The following RASSF3 variants were observed in gnomAD, a reference collection of about 807,000 sequenced individuals.
The protein encoded by RASSF3 is Ras association domain family member 3.
In RASSF3, 19 loss-of-function variants were observed where a neutral mutation model predicts 19.9. The ratio of observed to expected loss-of-function variants is 0.96; its 90% confidence interval spans 0.67 to 1.40. RASSF3 has a LOEUF of 1.40. Among genes scored for constraint, RASSF3 ranks in the 40% most tolerant of loss-of-function variants. RASSF3 has a pLI of 0.00. For missense variants in RASSF3, 306 were observed against 289.8 expected (o/e 1.06, Z -0.41); for synonymous variants, 110 against 104.2 (o/e 1.06, Z -0.34).
At chr12:64,624,157 T>G (rs1225721937) in intron 1 of RASSF3, among the ~76,000 whole-genome samples, 1 of 151,954 alleles carries the variant, frequency 6.6e-6, no homozygotes, top group Non-Finnish European at 1.5e-5. Flanking sequence ...GTACGTTTCA[T>G]AAAGGCAAAC....
intron 1 of RASSF3, among the ~76,000 whole-genome samples, chr12:64,666,245 A>G (rs552730522): frequency 1.3e-5 from 2 of 152,358 alleles, no homozygotes; most frequent in South Asian, 4.1e-4. Flanking sequence ...TTAGGTGTAG[A>G]ATGGAATTAG....
intron 1 of RASSF3, among the ~76,000 whole-genome samples, chr12:64,633,308 A>G (rs768117544): frequency 4.6e-5 from 7 of 152,194 alleles, no homozygotes; most frequent in Non-Finnish European, 8.8e-5. Flanking sequence ...GTGATCCACA[A>G]TGTTGGAGTT....
rs139847425 is a variant in RASSF3, at chr12:64,578,116, G to A, written c.294+36411G>A. On this transcript the variant is annotated intron_variant, in intron 2 of 5. Transcript: ENST00000637125. ...TGCCTGTAATCTGTCCCAGCTACTC[G>A]GGAGGCTGAGGCAGGAGAATAACTT... Among the ~76,000 whole-genome samples, 235 of 151,830 alleles carry A rather than the reference G, an allele frequency of 1.5e-3. 1 individual carries two copies. The highest frequency in any genetic ancestry group is 5.5e-3 in the African/African-American group (228 of 41,366).
intron 1 of RASSF3, among the ~76,000 whole-genome samples, chr12:64,669,490 T>G (rs921377878): frequency 6.6e-6 from 1 of 152,184 alleles, no homozygotes. Flanking sequence ...TGCCACTTGT[T>G]TCCTGCCTAG....
At chr12:64,525,283 TAAA>T (rs111807802) in intron 1 of RASSF3, among the ~76,000 whole-genome samples, 19 of 151,974 alleles carry the variant, frequency 1.3e-4, no homozygotes, top group African/African-American at 4.6e-4. Context: ...TCAAGAAAAA[TAAA>T]AAAAGAAAAT....
At chr12:64,677,069 G>A (rs933522744) in intron 1 of RASSF3, among the ~76,000 whole-genome samples, 1 of 152,092 alleles carries the variant, frequency 6.6e-6, no homozygotes, top group Non-Finnish European at 1.5e-5. Context: ...TGCCTGGCCT[G>A]GAGTATTGCT....
intron 2 of RASSF3, among the ~76,000 whole-genome samples, chr12:64,576,142 T>A (rs1221468747): frequency 2.0e-5 from 3 of 152,044 alleles, no homozygotes; most frequent in Non-Finnish European, 4.4e-5. Flanking sequence ...AATGGGAGGA[T>A]TTTTTTCACA....
chr12:64,641,457 G>A (rs556080302), intron 1 of RASSF3, among the ~76,000 whole-genome samples: 5 of 133,232 alleles, frequency 3.8e-5, no homozygotes, highest in South Asian at 2.4e-4. Context: ...CCCTATGGAC[G>A]TGGGGGACTA....
intron 1 of RASSF3, among the ~76,000 whole-genome samples, chr12:64,540,212 C>T (rs749458683): frequency 2.4e-4 from 37 of 152,148 alleles, no homozygotes; most frequent in Non-Finnish European, 4.3e-4. Flanking sequence ...TTTCTTAAGA[C>T]GGCTCCTTAA....
chr12:64,545,246 G>T (rs1474164939), downstream of RASSF3, among the ~76,000 whole-genome samples: 2 of 152,200 alleles, frequency 1.3e-5, no homozygotes, highest in Non-Finnish European at 2.9e-5. Flanking sequence ...GCTCTAGGGA[G>T]AATGAATATA....
At chr12:64,648,756 C>T (rs1355123371) in intron 1 of RASSF3, among the ~76,000 whole-genome samples, 1 of 148,198 alleles carries the variant, frequency 6.7e-6, no homozygotes, top group Admixed American at 6.8e-5. Context: ...GCTGGGATTA[C>T]AAGGATGAGC....
rs1309278039 is a variant in RASSF3 at position 64,688,273 on chromosome 12, C to G, written c.277C>G (p.Pro93Ala). The G allele has an allele frequency of 1.9e-6, 3 of 1,614,164 alleles. No homozygotes were observed. The highest frequency in any genetic ancestry group is 2.5e-6 in the Non-Finnish European group (3 of 1,180,004). Residue 93 changes from proline (P) to alanine (A), a missense_variant, in exon 3 of 5, where the codon CCA becomes GCA. By Grantham distance (27) the Pro-to-Ala change is conservative. Coordinates refer to ENST00000542104, the MANE Select transcript of RASSF3 (RefSeq NM_178169.4). ...IKVQMELCKP[P>A]QTSPNSGKLS... ...AGTACAGATGGAACTCTGCAAACCTCCACAGACTTCTCCAAATTCTGGAAA... is the reference window on the plus strand; with the variant it reads ...AGTACAGATGGAACTCTGCAAACCTGCACAGACTTCTCCAAATTCTGGAAA...
upstream of RASSF3, among the ~76,000 whole-genome samples, chr12:64,609,955 C>T (rs1327182897): frequency 1.3e-5 from 2 of 152,188 alleles, no homozygotes; most frequent in Non-Finnish European, 1.5e-5. Flanking sequence ...ACCTCCCCAC[C>T]CATCTCTGCC....
At chr12:64,672,596 C>T (rs1872736446) in intron 1 of RASSF3, among the ~76,000 whole-genome samples, 1 of 152,230 alleles carries the variant, frequency 6.6e-6, no homozygotes, top group South Asian at 2.1e-4. Context: ...GTATACTCTA[C>T]CTTCTGGGCT....
At chr12:64,516,585 C>G (rs1592385637) in intron 1 of RASSF3, among the ~76,000 whole-genome samples, 1 of 146,192 alleles carries the variant, frequency 6.8e-6, no homozygotes, top group Admixed American at 6.8e-5. Flanking sequence ...CGCCACTGCA[C>G]TCCAGCCTGG....
intron 1 of RASSF3, chr12:64,655,123 C>CT (rs1565862333): frequency 6.6e-6 from 1 of 152,218 alleles, no homozygotes; most frequent in Non-Finnish European, 1.5e-5. Flanking sequence ...AGGTTTTCCT[C>CT]TAAGCTGCAC....
In RASSF3 at chr12:64,602,285, A is replaced by T. The variant is rs547741392; in HGVS notation, c.294+60580A>T. ...GACCTCATCTCTATTTTTTTTTTTT[A>T]AATATTATAACAGGGCCAGGCATGG... On this transcript the variant is annotated intron_variant, in intron 2 of 5. Transcript: ENST00000637125. 7.9e-3 allele frequency among the ~76,000 whole-genome samples: 1,144 copies of T among 145,606 alleles called. 14 individuals are homozygous for T. Among genetic ancestry groups the T allele is most frequent in the African/African-American group, 0.028 (1,111 of 39,514 alleles).
chr12:64,562,194 C>T (rs1270515094), intron 2 of RASSF3, among the ~76,000 whole-genome samples: 1 of 151,974 alleles, frequency 6.6e-6, no homozygotes, highest in Non-Finnish European at 1.5e-5. Context: ...GCGTGCGCCA[C>T]CGCACCCAGC....
At chr12:64,528,878 T>C (rs76878206), upstream of RASSF3, among the ~76,000 whole-genome samples, 144 of 152,338 alleles carry the variant, frequency 9.5e-4, no homozygotes, top group African/African-American at 3.4e-3. Context: ...GCACAAGCTT[T>C]AGCGTCAGAT....
Sources: gnomAD v4.1 joint callset for allele counts (sites outside exome capture counted in the v4.1 genomes callset) on GRCh38, gnomAD v4.1.1 for gene constraint, MANE v1.5 for transcripts, NCBI Gene and HGNC (gene_info 2026-07-23, HGNC 2026-07-21) for gene names.